ATP6V0D2: variants seen among roughly 807,000 people sequenced by gnomAD.
The protein encoded by ATP6V0D2 is V-type proton ATPase subunit d 2.
A neutral mutation model predicts 40.0 loss-of-function variants in ATP6V0D2; 40 were observed. The observed-to-expected ratio is 1.00, with a 90% confidence interval of 0.78 to 1.30. The LOEUF (loss-of-function observed/expected upper bound fraction) is 1.30. ATP6V0D2 is among the 50% of genes most tolerant of loss of function. The pLI is 0.00. For missense variants in ATP6V0D2, 470 were observed against 423.1 expected, an observed-to-expected ratio of 1.11 and a Z score of -0.97; for synonymous variants, 179 against 156.3, an observed-to-expected ratio of 1.15 and a Z score of -1.08.
At chr8:86,102,157 G>C (rs753734796) in intron 1 of ATP6V0D2, among the ~76,000 whole-genome samples, 1 of 152,186 alleles carries the variant, frequency 6.6e-6, no homozygotes, top group Non-Finnish European at 1.5e-5. Context: ...GAATAGGTCT[G>C]TGTGGAGTTG....
At chr8:86,147,970 A>G (rs375468913) in intron 5 of ATP6V0D2, among the ~76,000 whole-genome samples, 1 of 152,112 alleles carries the variant, frequency 6.6e-6, no homozygotes, top group Non-Finnish European at 1.5e-5. Flanking sequence ...CACTTCTCCA[A>G]TTGCTTTCCC....
Position 86,153,541 on chromosome 8 carries a change from A to G in ATP6V0D2, c.*564A>G, listed in dbSNP as rs544833671. On this transcript the variant is annotated 3_prime_UTR_variant, in exon 8 of 8. Coordinates refer to ENST00000285393, the MANE Select transcript of ATP6V0D2 (RefSeq NM_152565.1). ...AGGCTAAGTTTTGTATTTTTTGTAG[A>G]GACAGGGTTTCAACATATTATCCAG... is the stretch of plus-strand genomic sequence containing the variant. 9 of 152,320 alleles carry G rather than the reference A, an allele frequency of 5.9e-5. No individual in the cohort carries two copies. Among genetic ancestry groups the G allele is most frequent in the African/African-American group, 1.9e-4 (8 of 41,514 alleles). The allele number at this position is 152,320 out of a possible 1,614,324, so 9.4% of individuals were successfully genotyped here.
At chr8:86,145,489 CT>C (rs1377935426) in intron 5 of ATP6V0D2, among the ~76,000 whole-genome samples, 1 of 152,094 alleles carries the variant, frequency 6.6e-6, no homozygotes, top group Non-Finnish European at 1.5e-5. Flanking sequence ...AAGTGAAAAT[CT>C]TATCACTAAA....
chr8:86,152,889 A>T lies in ATP6V0D2; in HGVS notation c.965A>T (p.Glu322Val). Residue 322 changes from glutamate (E) to valine (V), a missense_variant, in exon 8 of 8, where the codon GAA (glutamate) becomes GTA (valine). Coordinates refer to ENST00000285393, the MANE Select transcript of ATP6V0D2 (RefSeq NM_152565.1). ...GVFYAYVKLK[E>V]QEIRNIVWIA... Reference sequence around the variant, plus strand: ...TTTTATGCATATGTAAAGCTGAAGGAACAGGAAATTAGAAATATTGTGTGG... The same window carrying T: ...TTTTATGCATATGTAAAGCTGAAGGTACAGGAAATTAGAAATATTGTGTGG... 6.2e-7 allele frequency: 1 copy of T among 1,612,954 alleles called. No homozygotes were observed. Among genetic ancestry groups the T allele is most frequent in the East Asian group, 2.2e-5 (1 of 44,788 alleles).
chr8:86,138,367 C>T (rs1427462991), intron 2 of ATP6V0D2, among the ~76,000 whole-genome samples: 1 of 152,092 alleles, frequency 6.6e-6, no homozygotes, highest in Non-Finnish European at 1.5e-5. Context: ...GCATGTATGC[C>T]CTATTGTGAT....
At chr8:86,105,202 A>C (rs1818453086) in intron 1 of ATP6V0D2, among the ~76,000 whole-genome samples, 1 of 152,232 alleles carries the variant, frequency 6.6e-6, no homozygotes, top group Admixed American at 6.5e-5. Context: ...CCTGAGGCAG[A>C]ACATTTGCCT....
chr8:86,151,014 T>C (rs936504174), intron 6 of ATP6V0D2, among the ~76,000 whole-genome samples: 2 of 152,224 alleles, frequency 1.3e-5, no homozygotes, highest in Non-Finnish European at 2.9e-5. Context: ...TCATATGTAA[T>C]TGCGTGAGAC....
intron 2 of ATP6V0D2, among the ~76,000 whole-genome samples, chr8:86,133,188 C>A (rs1818849634): frequency 6.6e-6 from 1 of 152,030 alleles, no homozygotes; most frequent in Admixed American, 6.6e-5. Flanking sequence ...GCCTCATACA[C>A]TCCTAACTGG....
Position 86,140,937 on chromosome 8 carries a change from G to C in ATP6V0D2, c.482-513G>C, listed in dbSNP as rs557051984. 4.6e-5 allele frequency among the ~76,000 whole-genome samples: 7 copies of C among 152,262 alleles called. No homozygotes were observed. In the South Asian group the frequency reaches 1.5e-3, roughly 32 times the overall value. On this transcript the variant is annotated intron_variant, in intron 3 of 7. Coordinates refer to ENST00000285393, the MANE Select transcript of ATP6V0D2 (RefSeq NM_152565.1). ...CCCTGAGCTTGTTTTCCTGCAACTAGACAGTCCCATCTGTGGGTGATGGGA... is the reference window on the plus strand; with the variant it reads ...CCCTGAGCTTGTTTTCCTGCAACTACACAGTCCCATCTGTGGGTGATGGGA...
chr8:86,145,263 A>AAGAAAGAC (rs1819042433), intron 5 of ATP6V0D2, among the ~76,000 whole-genome samples: 1 of 56,420 alleles, frequency 1.8e-5, no homozygotes, highest in Admixed American at 2.2e-4. Flanking sequence ...GAGAGAAAGA[A>AAGAAAGAC]AGAAAGAAAG....
At chr8:86,141,074 G>A (rs542641561) in intron 3 of ATP6V0D2, among the ~76,000 whole-genome samples, 116 of 152,194 alleles carry the variant, frequency 7.6e-4, no homozygotes, top group African/African-American at 2.0e-3. Flanking sequence ...TAATGCTGCC[G>A]TTGATCTGAC....
intron 2 of ATP6V0D2, among the ~76,000 whole-genome samples, chr8:86,124,342 A>T (rs1818711692): frequency 6.6e-6 from 1 of 152,228 alleles, no homozygotes; most frequent in South Asian, 2.1e-4. Flanking sequence ...ACAGTAAGTG[A>T]CTACTATGAG....
intron 2 of ATP6V0D2, among the ~76,000 whole-genome samples, chr8:86,130,704 G>T (rs577199610): frequency 1.3e-5 from 2 of 152,012 alleles, no homozygotes; most frequent in Non-Finnish European, 2.9e-5. Flanking sequence ...CCTGGCAGAC[G>T]CACCCTGAGA....
chr8:86,123,496 A>T (rs1818699943), intron 2 of ATP6V0D2, among the ~76,000 whole-genome samples: 1 of 152,220 alleles, frequency 6.6e-6, no homozygotes, highest in Admixed American at 6.5e-5. Context: ...TAAAGCAGAG[A>T]AACAATAGAG....
At chr8:86,149,052 G>GAAAAAAAAAAAAAAAAAAA (rs1166858589) in intron 5 of ATP6V0D2, among the ~76,000 whole-genome samples, 2 of 69,000 alleles carry the variant, frequency 2.9e-5, no homozygotes, top group Admixed American at 2.1e-4. Flanking sequence ...ATCTCCAAAG[G>GAAAAAAAAAAAAAAAAAAA]AAGAAAAAAA....
chr8:86,150,389 A>C, intron 6 of ATP6V0D2, 101 bp downstream of exon 6: 1 of 1,195,796 alleles, frequency 8.4e-7, no homozygotes, highest in Non-Finnish European at 1.2e-6. Context: ...CAAAAGAAGT[A>C]ATAATATTTG....
intron 1 of ATP6V0D2, among the ~76,000 whole-genome samples, chr8:86,108,176 C>G (rs1460816706): frequency 1.3e-4 from 20 of 152,190 alleles, no homozygotes; most frequent in Admixed American, 1.3e-3. Flanking sequence ...GGATCTCACT[C>G]TATTTCCTGA....
At chr8:86,105,344 CTGG>C (rs1818455215) in intron 1 of ATP6V0D2, among the ~76,000 whole-genome samples, 1 of 152,110 alleles carries the variant, frequency 6.6e-6, no homozygotes, top group African/African-American at 2.4e-5. Context: ...GACACCCAGG[CTGG>C]AGTGCAGTGG....
chr8:86,110,786 A>G (rs1216021572), intron 1 of ATP6V0D2, among the ~76,000 whole-genome samples: 1 of 152,148 alleles, frequency 6.6e-6, no homozygotes, highest in Non-Finnish European at 1.5e-5. Flanking sequence ...TAGGTTATGT[A>G]TTAATCAGTA....
Sources: gnomAD v4.1 joint callset for allele counts (sites outside exome capture counted in the v4.1 genomes callset) on GRCh38, gnomAD v4.1.1 for gene constraint, MANE v1.5 for transcripts, NCBI Gene and HGNC (gene_info 2026-07-23, HGNC 2026-07-21) for gene names.